Variants in ESR2 observed in about 807,000 individuals in gnomAD.
ESR2 encodes estrogen receptor 2.
ESR2 carries 36 observed loss-of-function variants against 49.6 expected under a neutral mutation model. That is an observed-to-expected ratio of 0.73 (90% CI 0.56 to 0.96). The LOEUF is 0.96. ESR2 is among the 40% of genes least tolerant of loss of function. The probability of loss-of-function intolerance (pLI) is 0.00; values close to 1 mark genes in which losing one functional copy is unlikely to be tolerated. For missense variants in ESR2, 714 were observed against 693.0 expected, an observed-to-expected ratio of 1.03 and a Z score of -0.34; for synonymous variants, 320 against 266.1, an observed-to-expected ratio of 1.20 and a Z score of -1.97.
At chr14:64,306,308 C>CT (rs2077098013) in intron 1 of ESR2, among the ~76,000 whole-genome samples, 1 of 152,086 alleles carries the variant, frequency 6.6e-6, no homozygotes, top group South Asian at 2.1e-4. Flanking sequence ...GTTAATTTGT[C>CT]TTTTTTCTCA....
chr14:64,316,366 C>T (rs1373989120), intron 1 of ESR2, among the ~76,000 whole-genome samples: 1 of 152,116 alleles, frequency 6.6e-6, no homozygotes, highest in East Asian at 1.9e-4. Flanking sequence ...CGGATGGTCT[C>T]ACTGGAGAAT....
intron 1 of ESR2, among the ~76,000 whole-genome samples, chr14:64,316,226 G>C (rs1281022608): frequency 6.7e-6 from 1 of 149,108 alleles, no homozygotes; most frequent in Non-Finnish European, 1.5e-5. Context: ...TGCCCAGGCT[G>C]GTCTCAAACT....
In ESR2 at chr14:64,312,702, C is replaced by T. The variant is rs548731762; in HGVS notation, c.-91+25196G>A. On this transcript the variant is annotated intron_variant, in intron 1 of 8. Coordinates refer to the ESR2 transcript ENST00000358599. ...ATTTGGGAGAGTTGTGTGTCTGTTC[C>T]CATACAGTCAAAAGTTCAAGACCAG... Among the ~76,000 whole-genome samples the T allele has an allele frequency of 7.9e-5, 12 of 151,924 alleles. No individual in the cohort carries two copies. The South Asian group carries it at 1.9e-3, about 24-fold the overall frequency.
chr14:64,266,085 T>G (rs949746316), intron 4 of ESR2, among the ~76,000 whole-genome samples: 3 of 152,224 alleles, frequency 2.0e-5, no homozygotes, highest in African/African-American at 7.2e-5. Flanking sequence ...ATACAGTCTT[T>G]TCTTAGACTT....
At chr14:64,248,710 T>C (rs1380447047) in intron 7 of ESR2, among the ~76,000 whole-genome samples, 2 of 152,108 alleles carry the variant, frequency 1.3e-5, no homozygotes, top group Non-Finnish European at 2.9e-5. Flanking sequence ...AGACACCTTA[T>C]TTCCCTCCTC....
In ESR2 at chr14:64,228,588, A is replaced by C. The variant is rs558597973; in HGVS notation, c.*4549T>G. ...AGCCAACCAACAGGCTCTGAAGTAC[A>C]CATTGAATGACAAAAGGTATAGGAC... On this transcript the variant is annotated 3_prime_UTR_variant, in exon 9 of 9. Transcript: ENST00000341099. Among the ~76,000 whole-genome samples, 51 of 152,364 alleles carry C rather than the reference A, an allele frequency of 3.3e-4. No homozygotes were observed. The highest frequency in any genetic ancestry group is 1.2e-3 in the African/African-American group (50 of 41,594).
chr14:64,254,461 T>C (rs1011719902), intron 6 of ESR2, among the ~76,000 whole-genome samples: 12 of 152,000 alleles, frequency 7.9e-5, no homozygotes, highest in African/African-American at 2.9e-4. Context: ...TACTAGAGAC[T>C]GTAGGCTGGG....
At chr14:64,240,632 A>G (rs2075700927) in intron 7 of ESR2, among the ~76,000 whole-genome samples, 1 of 152,186 alleles carries the variant, frequency 6.6e-6, no homozygotes, top group East Asian at 1.9e-4. Context: ...CATCACCACA[A>G]CCAAGATAAT....
intron 1 of ESR2, among the ~76,000 whole-genome samples, chr14:64,323,391 A>G (rs2140897754): frequency 1.3e-5 from 2 of 152,160 alleles, no homozygotes; most frequent in South Asian, 4.2e-4. Flanking sequence ...TGTTTTTAGT[A>G]GAGACAGAGC....
intron 7 of ESR2, 69 bp downstream of exon 7, chr14:64,249,477 A>T: frequency 6.6e-7 from 1 of 1,510,308 alleles, no homozygotes; most frequent in African/African-American, 1.4e-5. Context: ...CATTCTTCTT[A>T]ATATCACGCT....
At chr14:64,312,739 T>C (rs2077200275) in intron 1 of ESR2, among the ~76,000 whole-genome samples, 1 of 152,000 alleles carries the variant, frequency 6.6e-6, no homozygotes, top group Admixed American at 6.6e-5. Context: ...CTGGCCAGTC[T>C]CTACTAAAAA....
At chr14:64,293,140 G>T (rs1449119022) in intron 1 of ESR2, among the ~76,000 whole-genome samples, 1 of 152,166 alleles carries the variant, frequency 6.6e-6, no homozygotes, top group Non-Finnish European at 1.5e-5. Flanking sequence ...AGGAGTCAAA[G>T]ATGTTAATCA....
At chr14:64,308,616 C>T (rs2077142716) in intron 1 of ESR2, among the ~76,000 whole-genome samples, 3 of 151,924 alleles carry the variant, frequency 2.0e-5, no homozygotes, top group Non-Finnish European at 4.4e-5. Flanking sequence ...AAATGTTCTA[C>T]AGGTACTTTT....
chr14:64,254,826 C>CAA (rs573433154), intron 6 of ESR2, among the ~76,000 whole-genome samples: 1,749 of 133,762 alleles, frequency 0.013, 55 homozygotes, highest in East Asian at 0.093. Context: ...GTAGTCATTC[C>CAA]AAAAAAAAAA....
chr14:64,268,291 C>T (rs2076371759), intron 4 of ESR2, among the ~76,000 whole-genome samples: 1 of 152,190 alleles, frequency 6.6e-6, no homozygotes, highest in Non-Finnish European at 1.5e-5. Context: ...CATTATGTTT[C>T]TGACTCCTAC....
downstream of ESR2, chr14:64,227,598 G>A: frequency 6.2e-7 from 1 of 1,614,218 alleles, no homozygotes; most frequent in Non-Finnish European, 8.5e-7. Context: ...GTGAGTGTTT[G>A]AGAGGCCTTT....
chr14:64,269,289 A>T (rs2076392064), intron 3 of ESR2, among the ~76,000 whole-genome samples: 2 of 152,358 alleles, frequency 1.3e-5, no homozygotes, highest in South Asian at 4.1e-4. Context: ...ATTCTTTTAC[A>T]TATATCCCTC....
chr14:64,227,056 T>TTTTAC (rs1465071232), downstream of ESR2: 4 of 156,314 alleles, frequency 2.6e-5, no homozygotes, highest in African/African-American at 9.6e-5. Flanking sequence ...TCCAGTAGCA[T>TTTTAC]TTTACTTTCT....
At chr14:64,302,271 C>G (rs2077032407) in intron 1 of ESR2, among the ~76,000 whole-genome samples, 1 of 151,812 alleles carries the variant, frequency 6.6e-6, no homozygotes, top group Admixed American at 6.6e-5. Flanking sequence ...ACTGCAAGCT[C>G]TGTCTCCCGG....
Sources: gnomAD v4.1 joint callset for allele counts (sites outside exome capture counted in the v4.1 genomes callset) on GRCh38, gnomAD v4.1.1 for gene constraint, MANE v1.5 for transcripts, NCBI Gene and HGNC (gene_info 2026-07-23, HGNC 2026-07-21) for gene names.